RIPOR2: variants seen among roughly 807,000 people sequenced by gnomAD.
RIPOR2 encodes the protein RHO family interacting cell polarization regulator 2.
A neutral mutation model predicts 114.5 loss-of-function variants in RIPOR2; 39 were observed. That is an observed-to-expected ratio of 0.34 (90% CI 0.26 to 0.44). RIPOR2 has a LOEUF of 0.44. Ranked by LOEUF, RIPOR2 falls within the 20% of genes least tolerant of loss-of-function variation. The probability of loss-of-function intolerance (pLI) is 1.00; values close to 1 mark genes in which losing one functional copy is unlikely to be tolerated. For synonymous variants in RIPOR2, 445 were observed against 484.4 expected (o/e 0.92, Z 1.07); for missense variants, 1,007 against 1,255.1 (o/e 0.80, Z 2.99).
rs372893638 is a variant in RIPOR2 at position 25,001,837 on chromosome 6, C to T, written c.76+40014G>A. On this transcript the variant is annotated intron_variant, in intron 1 of 13. Coordinates refer to the RIPOR2 transcript ENST00000510784. Reference sequence around the variant, plus strand: ...GCCTCAGCCTCCCAAGTAGCTGGGACTACAGGCGCGTGCCACCATGCCTGG... The same window carrying T: ...GCCTCAGCCTCCCAAGTAGCTGGGATTACAGGCGCGTGCCACCATGCCTGG... Among the ~76,000 whole-genome samples the T allele has an allele frequency of 3.3e-4, 50 of 150,934 alleles. No homozygotes were observed. The East Asian group carries it at 8.0e-3, about 24-fold the overall frequency.
rs370514269 is a variant in RIPOR2, at chr6:24,977,852, C to T, written c.76+63999G>A. 2.2e-4 allele frequency among the ~76,000 whole-genome samples: 34 copies of T among 152,250 alleles called. No homozygotes were observed. In the East Asian group the frequency reaches 4.3e-3, roughly 19 times the overall value. The stretch of plus-strand genomic sequence containing the variant: ...GGGCAGAGGAAGCTTCCCTCCCTAC[C>T]TCCATGTATTCATCTAAAGCTGTGA... On this transcript the variant is annotated intron_variant, in intron 1 of 13. Coordinates refer to the RIPOR2 transcript ENST00000510784.
chr6:25,031,338 T>C (rs973161452), intron 1 of RIPOR2: 1 of 152,114 alleles, frequency 6.6e-6, no homozygotes, highest in African/African-American at 2.4e-5. Flanking sequence ...GATCACTGGT[T>C]GACAAGAGCT....
chr6:24,840,863 C>G, intron 13 of RIPOR2: 1 of 1,229,562 alleles, frequency 8.1e-7, no homozygotes, highest in Non-Finnish European at 1.1e-6. Context: ...TGCCCCAGAC[C>G]TAAACACACT....
At chr6:25,007,802 C>T (rs183140655) in intron 1 of RIPOR2, among the ~76,000 whole-genome samples, 2 of 152,142 alleles carry the variant, frequency 1.3e-5, no homozygotes, top group African/African-American at 4.8e-5. Flanking sequence ...AGCTGTTCTT[C>T]CAACTGCTGT....
chr6:24,830,791 C>G, intron 16 of RIPOR2, 121 bp from the exon 17 acceptor site: 1 of 1,013,630 alleles, frequency 9.9e-7, no homozygotes, highest in Non-Finnish European at 1.4e-6. Context: ...TCTCAGCTCA[C>G]TGGAACTTCC....
intron 1 of RIPOR2, among the ~76,000 whole-genome samples, chr6:24,913,035 G>T (rs1769790646): frequency 6.6e-6 from 1 of 152,158 alleles, no homozygotes; most frequent in Admixed American, 6.5e-5. Context: ...AGTCAGATGT[G>T]ATTCCAAATC....
At chr6:25,038,521 T>C (rs1777346875) in intron 1 of RIPOR2, among the ~76,000 whole-genome samples, 1 of 152,258 alleles carries the variant, frequency 6.6e-6, no homozygotes, top group Non-Finnish European at 1.5e-5. Flanking sequence ...AAGACCCTTG[T>C]TGGCCTTGAG....
chr6:24,936,746 A>C (rs1033052743), upstream of RIPOR2, among the ~76,000 whole-genome samples: 2 of 152,152 alleles, frequency 1.3e-5, no homozygotes, highest in African/African-American at 4.8e-5. Flanking sequence ...ACGTGTGCCA[A>C]ATTCTGTCTG....
upstream of RIPOR2, among the ~76,000 whole-genome samples, chr6:24,940,791 C>T (rs1414001009): frequency 2.0e-5 from 3 of 151,994 alleles, no homozygotes; most frequent in African/African-American, 4.8e-5. Flanking sequence ...GCTGGGACTA[C>T]AGGTGTGCGC....
At chr6:24,943,412 A>T (rs1626799) in intron 1 of RIPOR2, among the ~76,000 whole-genome samples, 2,116 of 152,266 alleles carry the variant, frequency 0.014, 54 homozygotes, top group African/African-American at 0.047. Context: ...TATTGGGTGC[A>T]GCACACCAAC....
chr6:24,842,982 T>C lies in RIPOR2; in HGVS notation c.1737A>G (p.Leu579=). 6.4e-7 allele frequency: 1 copy of C among 1,568,004 alleles called. No homozygotes were observed. Among genetic ancestry groups the C allele is most frequent in the Non-Finnish European group, 8.6e-7 (1 of 1,157,226 alleles). Residue 579 remains leucine (L), a synonymous_variant, in exon 13 of 22, where the codon CTA becomes CTG. Coordinates refer to ENST00000643898, the MANE Select transcript of RIPOR2 (RefSeq NM_001286445.3). ...TAAAAGCATCCTCTAAGCTTCCATC[T>C]AGAAAGGATCTGCAGCCTTCAGATT... ...GGESEGCRSF[L]DGSLEDAFNG... is the part of the protein sequence containing the mutation.
At chr6:24,910,945 C>G in intron 1 of RIPOR2, 1 of 985,402 alleles carries the variant, frequency 1.0e-6, no homozygotes, top group Non-Finnish European at 1.2e-6. Context: ...TGAGCTGGCT[C>G]ACTTGGGTGA....
intron 9 of RIPOR2, among the ~76,000 whole-genome samples, chr6:24,852,144 C>T (rs988673690): frequency 2.6e-5 from 4 of 152,128 alleles, no homozygotes; most frequent in East Asian, 1.9e-4. Context: ...CACCTGTAGT[C>T]CCAGCTACTC....
chr6:24,846,301 C>CTTTT (rs1233193249), intron 12 of RIPOR2, among the ~76,000 whole-genome samples: 65 of 91,696 alleles, frequency 7.1e-4, no homozygotes, highest in African/African-American at 1.3e-3. Context: ...TTTCACCTGC[C>CTTTT]TTTTTTTTTT....
chr6:24,995,598 G>C (rs1775009741), intron 1 of RIPOR2, among the ~76,000 whole-genome samples: 1 of 152,134 alleles, frequency 6.6e-6, no homozygotes, highest in Admixed American at 6.5e-5. Context: ...CTGCAGTCTC[G>C]CACAACTCCA....
At chr6:24,894,191 G>A (rs734015) in intron 1 of RIPOR2, among the ~76,000 whole-genome samples, 64,522 of 152,060 alleles carry the variant, frequency 0.42, 14,129 homozygotes, top group African/African-American at 0.5. Flanking sequence ...ATTGACGAAG[G>A]TGATTCAGGA....
At position 24,806,106 on chromosome 6, in the gene RIPOR2, C is replaced by T. The variant is rs529272005; in HGVS notation, c.*267G>A. On this transcript the variant is annotated 3_prime_UTR_variant, in exon 22 of 22. Transcript: ENST00000643898. ...CTGGGACTACAGGTGCATGCCACCA[C>T]GCCTGACTAATTAAACTATTTTTTT... 33 of 407,872 alleles carry T rather than the reference C, an allele frequency of 8.1e-5. No homozygotes were observed. The highest frequency in any genetic ancestry group is 1.1e-4 in the Non-Finnish European group (24 of 228,436). The allele number at this position is 407,872 out of a possible 1,614,324, so 25.3% of individuals were successfully genotyped here.
intron 1 of RIPOR2, among the ~76,000 whole-genome samples, chr6:24,895,572 G>A (rs182396386): frequency 1.7e-4 from 26 of 152,220 alleles, no homozygotes; most frequent in African/African-American, 6.3e-4. Context: ...TAGTCGCTTG[G>A]CTTCAACTTC....
intron 13 of RIPOR2, among the ~76,000 whole-genome samples, chr6:24,841,333 C>A (rs376766129): frequency 6.6e-6 from 1 of 152,186 alleles, no homozygotes; most frequent in East Asian, 1.9e-4. Context: ...GACAAGCAGC[C>A]TGCATATACA....
Sources: gnomAD v4.1 joint callset for allele counts (sites outside exome capture counted in the v4.1 genomes callset) on GRCh38, gnomAD v4.1.1 for gene constraint, MANE v1.5 for transcripts, NCBI Gene and HGNC (gene_info 2026-07-23, HGNC 2026-07-21) for gene names.